The following FSD1L variants were observed in gnomAD, a reference collection of about 807,000 sequenced individuals.
FSD1L encodes the protein fibronectin type III and SPRY domain containing 1 like.
In FSD1L, 45 loss-of-function variants were observed where a neutral mutation model predicts 71.6. That is an observed-to-expected ratio of 0.63 (90% CI 0.49 to 0.81). The LOEUF is 0.81. FSD1L is among the 30% of genes least tolerant of loss of function. FSD1L has a pLI of 0.00. For missense variants in FSD1L, 561 were observed against 618.1 expected (o/e 0.91, Z 0.98); for synonymous variants, 197 against 207.2 (o/e 0.95, Z 0.42).
At chr9:105,519,422 A>T (rs1469597332) in intron 10 of FSD1L, among the ~76,000 whole-genome samples, 2 of 152,162 alleles carry the variant, frequency 1.3e-5, no homozygotes, top group Non-Finnish European at 2.9e-5. Context: ...GGCAAACCGA[A>T]CCCAGCAGCA....
At position 105,542,985 on chromosome 9, in the gene FSD1L, T is replaced by G. The variant is rs185915873; in HGVS notation, c.1468-3373T>G. Among the ~76,000 whole-genome samples, 260 of 152,314 alleles carry G rather than the reference T, an allele frequency of 1.7e-3. 2 individuals are homozygous for G. In the South Asian group the frequency reaches 0.023, roughly 14 times the overall value. On this transcript the variant is annotated intron_variant, in intron 13 of 13. Coordinates refer to ENST00000481272, the MANE Select transcript of FSD1L (RefSeq NM_001145313.3). ...TTATGTTTTCTTCTTGATTTCCCTT[T>G]GCATCTTCATGTTAGATATTTTGAG... is the stretch of plus-strand genomic sequence containing the variant.
At chr9:105,539,887 TTAATTTAG>T (rs1291920457) in intron 13 of FSD1L, among the ~76,000 whole-genome samples, 1 of 152,172 alleles carries the variant, frequency 6.6e-6, no homozygotes, top group Non-Finnish European at 1.5e-5. Context: ...TTTATAAATT[TTAATTTAG>T]TTGGATATGT....
chr9:105,480,251 C>A (rs1832080183), intron 6 of FSD1L, among the ~76,000 whole-genome samples: 2 of 151,532 alleles, frequency 1.3e-5, no homozygotes, highest in African/African-American at 2.4e-5. Context: ...AAAACAGTGC[C>A]TCTATTGTTA....
At chr9:105,526,752 T>G (rs558020623) in intron 10 of FSD1L, among the ~76,000 whole-genome samples, 84 of 152,278 alleles carry the variant, frequency 5.5e-4, no homozygotes, top group African/African-American at 2.0e-3. Context: ...GCTGCCATAT[T>G]TTGAGGGCAG....
chr9:105,492,599 G>C (rs940158011), intron 7 of FSD1L, among the ~76,000 whole-genome samples: 3 of 152,072 alleles, frequency 2.0e-5, no homozygotes, highest in East Asian at 3.9e-4. Context: ...GTTAGGGTGT[G>C]AATTTTGGAT....
intron 10 of FSD1L, among the ~76,000 whole-genome samples, chr9:105,529,732 A>G (rs1182943800): frequency 6.6e-6 from 1 of 152,048 alleles, no homozygotes; most frequent in African/African-American, 2.4e-5. Context: ...ACAAAACTGC[A>G]CATTCTGCAC....
At chr9:105,464,676 G>A (rs1312260708) in intron 3 of FSD1L, among the ~76,000 whole-genome samples, 2 of 152,046 alleles carry the variant, frequency 1.3e-5, no homozygotes, top group Non-Finnish European at 2.9e-5. Flanking sequence ...ATAAACAATA[G>A]AAGAAAAATT....
upstream of FSD1L, chr9:105,447,824 G>A (rs1159200420): frequency 3.3e-6 from 1 of 302,964 alleles, no homozygotes. Flanking sequence ...CGCACCGGCC[G>A]GCTGCTGGAT....
At chr9:105,524,756 A>G (rs1835401039) in intron 10 of FSD1L, 6 of 1,611,298 alleles carry the variant, frequency 3.7e-6, no homozygotes, top group African/African-American at 1.3e-5. Flanking sequence ...AGCATGGATT[A>G]ATCTCTATAG....
chr9:105,467,596 A>AGTC (rs1831166128), intron 3 of FSD1L, among the ~76,000 whole-genome samples: 1 of 152,232 alleles, frequency 6.6e-6, no homozygotes, highest in Admixed American at 6.5e-5. Flanking sequence ...TACAAATTCT[A>AGTC]GTCATTAGAT....
intron 3 of FSD1L, among the ~76,000 whole-genome samples, chr9:105,466,149 G>C (rs1367827717): frequency 6.6e-6 from 1 of 152,044 alleles, no homozygotes; most frequent in East Asian, 1.9e-4. Flanking sequence ...CCCATTTGCT[G>C]TAGCATAAAA....
At chr9:105,461,455 T>A (rs1351191900) in intron 1 of FSD1L, 65 bp from the exon 2 acceptor site, 3 of 649,602 alleles carry the variant, frequency 4.6e-6, no homozygotes, top group Non-Finnish European at 2.6e-6. Flanking sequence ...AATTAATTTA[T>A]CCTGTTTTTC....
chr9:105,534,541 A>T lies in FSD1L; in HGVS notation c.1074A>T (p.Pro358=), dbSNP rs376794284. Reference sequence around the variant, plus strand: ...GAACATCTGTAGGCTCCAGGCCACCAGCAGTAAGAGGCAGTAGAGATCGTT... The same window carrying T: ...GAACATCTGTAGGCTCCAGGCCACCTGCAGTAAGAGGCAGTAGAGATCGTT... ...PKRTSVGSRP[P]AVRGSRDRFT... The change falls in exon 11 of 14, where the codon CCA becomes CCT. Residue 358 remains proline (P), a synonymous_variant. Transcript: ENST00000481272. The T allele has an allele frequency of 2.6e-6, 4 of 1,551,232 alleles. No homozygotes were observed. Among genetic ancestry groups the T allele is most frequent in the Non-Finnish European group, 3.5e-6 (4 of 1,146,398 alleles).
At chr9:105,524,641 C>T (rs1479578470) in intron 10 of FSD1L, 6 of 1,613,760 alleles carry the variant, frequency 3.7e-6, no homozygotes, top group Middle Eastern at 1.6e-4. Context: ...GATTATGATC[C>T]TTTTATGCAT....
intron 10 of FSD1L, chr9:105,521,287 C>G: frequency 6.8e-6 from 11 of 1,614,148 alleles, no homozygotes; most frequent in Non-Finnish European, 9.3e-6. Context: ...AGTTTAGTAT[C>G]CAGAGAAGAA....
intron 10 of FSD1L, chr9:105,523,692 C>G: frequency 6.3e-7 from 1 of 1,598,046 alleles, no homozygotes; most frequent in Non-Finnish European, 8.6e-7. Context: ...AGGTAAATTA[C>G]ATGCATATAA....
Position 105,543,581 on chromosome 9 carries a change from C to A in FSD1L, c.1468-2777C>A, listed in dbSNP as rs1049770944. Among the ~76,000 whole-genome samples, 44 of 152,146 alleles carry A rather than the reference C, an allele frequency of 2.9e-4. 2 individuals carry two copies. Among genetic ancestry groups the A allele is most frequent in the South Asian group, 2.1e-4 (1 of 4,798 alleles). ...TATATCTCCTAATGCTATCCCTCTCCCCTCCCCCAACCCCACAACAGGCCC... is the reference window on the plus strand; with the variant it reads ...TATATCTCCTAATGCTATCCCTCTCACCTCCCCCAACCCCACAACAGGCCC... On this transcript the variant is annotated intron_variant, in intron 13 of 13. Coordinates refer to ENST00000481272, the MANE Select transcript of FSD1L (RefSeq NM_001145313.3).
intron 3 of FSD1L, among the ~76,000 whole-genome samples, chr9:105,465,724 C>T (rs1318303430): frequency 6.6e-6 from 1 of 152,132 alleles, no homozygotes; most frequent in Non-Finnish European, 1.5e-5. Context: ...GATAAAGACT[C>T]TCAACAAATT....
At position 105,550,470 on chromosome 9, in the gene FSD1L, A is replaced by G. The variant is rs1377233083; in HGVS notation, c.*3987A>G. ...TGGCACTGGAGTATTATAAGAGATC[A>G]TGAATGTTTCCTTAATTATCATGGC... On this transcript the variant is annotated 3_prime_UTR_variant, in exon 14 of 14. Transcript: ENST00000481272. The G allele has an allele frequency of 6.6e-6, 1 of 152,108 alleles. No individual in the cohort carries two copies. Among genetic ancestry groups the G allele is most frequent in the Non-Finnish European group, 1.5e-5 (1 of 67,948 alleles). The allele number at this position is 152,108 out of a possible 1,614,324, so 9.4% of individuals were successfully genotyped here. A position where few individuals can be genotyped will look rare whatever the true frequency, so the allele number is the denominator to read the frequency against.
Sources: allele counts gnomAD v4.1 joint callset (sites outside exome capture counted in the v4.1 genomes callset), GRCh38; gene constraint gnomAD v4.1.1; transcripts MANE v1.5; gene names NCBI Gene and HGNC (gene_info 2026-07-23, HGNC 2026-07-21).